The following PCDHA7 variants were observed in gnomAD, a reference collection of about 807,000 sequenced individuals.
PCDHA7 encodes protocadherin alpha 7, also known as protocadherin alpha-7.
PCDHA7 carries 37 observed loss-of-function variants against 57.2 expected under a neutral mutation model. That is an observed-to-expected ratio of 0.65 (90% CI 0.50 to 0.85). The LOEUF is 0.85. Ranked by LOEUF, PCDHA7 falls within the 40% of genes least tolerant of loss-of-function variation. The pLI, the probability that PCDHA7 is intolerant of heterozygous loss-of-function variation, is 0.00. For missense variants in PCDHA7, 1,188 were observed against 1,241.8 expected, an observed-to-expected ratio of 0.96 and a Z score of 0.65; for synonymous variants, 553 against 558.8, an observed-to-expected ratio of 0.99 and a Z score of 0.15.
At chr5:140,934,660 C>T (rs139449604) in intron 1 of PCDHA7, among the ~76,000 whole-genome samples, 2 of 152,152 alleles carry the variant, frequency 1.3e-5, no homozygotes, top group African/African-American at 2.4e-5. Flanking sequence ...TGATTCTTCC[C>T]CTTTGTTTAG....
chr5:140,841,888 T>G, intron 1 of PCDHA7: 1 of 1,613,782 alleles, frequency 6.2e-7, no homozygotes, highest in East Asian at 2.2e-5. Context: ...ACGATGAGAA[T>G]AAACTGGTTG....
chr5:140,845,092 C>T lies in PCDHA7; in HGVS notation c.2355+8354C>T, dbSNP rs145327720. Among the ~76,000 whole-genome samples, 352 of 149,676 alleles carry T rather than the reference C, an allele frequency of 2.4e-3. 12 individuals are homozygous for T. Among genetic ancestry groups the T allele is most frequent in the African/African-American group, 8.0e-3 (326 of 40,968 alleles). On this transcript the variant is annotated intron_variant, in intron 1 of 3. Transcript: ENST00000525929. Reference sequence around the variant, plus strand: ...CAGCATTGTTTTGTAGTTTATTTTACAGTTCTCTTAATGCCTGTCCATGTT... The same window carrying T: ...CAGCATTGTTTTGTAGTTTATTTTATAGTTCTCTTAATGCCTGTCCATGTT...
In PCDHA7 at chr5:140,848,922, G is replaced by A. The variant is rs2150424904; in HGVS notation, c.2355+12184G>A. Reference sequence around the variant, plus strand: ...AGCGACACAAAAGAATCTGTTCATCGCGGAATCCAGGCCGCTTGACTCTCG... The same window carrying A: ...AGCGACACAAAAGAATCTGTTCATCACGGAATCCAGGCCGCTTGACTCTCG... On this transcript the variant is annotated intron_variant, in intron 1 of 3. Transcript: ENST00000525929. The A allele has an allele frequency of 1.1e-5, 18 of 1,607,650 alleles. 1 individual carries two copies. The highest frequency in any genetic ancestry group is 2.7e-5 in the African/African-American group (2 of 73,700).
chr5:140,860,498 A>G (rs1440089357), intron 1 of PCDHA7: 3 of 152,224 alleles, frequency 2.0e-5, no homozygotes, highest in Non-Finnish European at 4.4e-5. Flanking sequence ...GGATGTCTAC[A>G]TACAAGATAA....
In PCDHA7 at chr5:140,904,790, G is replaced by T. The variant is rs139747501; in HGVS notation, c.2355+68052G>T. 2.6e-3 allele frequency among the ~76,000 whole-genome samples: 392 copies of T among 152,018 alleles called. 4 individuals carry two copies. In the East Asian group the frequency reaches 0.045, roughly 17 times the overall value. The stretch of plus-strand genomic sequence containing the variant: ...TGGTATCACATTATTGTTTTAATTT[G>T]CATTTTCCTGATAATTAGTGATGTT... On this transcript the variant is annotated intron_variant, in intron 1 of 3. Coordinates refer to ENST00000525929, the MANE Select transcript of PCDHA7 (RefSeq NM_018910.3).
At chr5:140,853,449 G>C (rs1331170631) in intron 1 of PCDHA7, 1 of 979,994 alleles carries the variant, frequency 1.0e-6, no homozygotes, top group East Asian at 1.1e-4. Flanking sequence ...TGCCTAATAG[G>C]TCTCCTTATA....
At chr5:140,959,883 C>T (rs535578218) in intron 1 of PCDHA7, among the ~76,000 whole-genome samples, 4 of 152,222 alleles carry the variant, frequency 2.6e-5, no homozygotes, top group South Asian at 2.1e-4. Flanking sequence ...AAGGAATACA[C>T]GAGTGGGATT....
rs1299003245 is a variant in PCDHA7, at chr5:140,846,734, T to A, written c.2355+9996T>A. Among the ~76,000 whole-genome samples, 2 of 149,288 alleles carry A rather than the reference T, an allele frequency of 1.3e-5. 1 individual carries two copies. The highest frequency in any genetic ancestry group is 3.0e-5 in the Non-Finnish European group (2 of 66,808). On this transcript the variant is annotated intron_variant, in intron 1 of 3. Transcript: ENST00000525929. ...TAACCAGTCTTCATTAAACATTAAA[T>A]AGGACCCTTACAGATCTCTAACAGC...
At chr5:140,940,705 C>T (rs2092669255) in intron 1 of PCDHA7, among the ~76,000 whole-genome samples, 1 of 152,170 alleles carries the variant, frequency 6.6e-6, no homozygotes, top group Non-Finnish European at 1.5e-5. Context: ...AAGTGTATAC[C>T]TGCTGTGTGC....
In PCDHA7 at chr5:140,993,460, TCTCACACA is replaced by T. The variant is rs782648313; in HGVS notation, c.2503+10899_2503+10906del. Among the ~76,000 whole-genome samples, 169 of 104,562 alleles carry T rather than the reference TCTCACACA, an allele frequency of 1.6e-3. 1 individual carries two copies. Among genetic ancestry groups the T allele is most frequent in the East Asian group, 0.012 (43 of 3,448 alleles). 68.6% of individuals were successfully genotyped at this position (104,562 alleles called of 152,430 possible). On this transcript the variant is annotated intron_variant, in intron 3 of 3. Coordinates refer to ENST00000525929, the MANE Select transcript of PCDHA7 (RefSeq NM_018910.3). ...TTCATTCCTGTTCTCCTTCTTTCTT[TCTCACACA>T]CACACACACACACACACACACACAC...
At chr5:140,860,192 C>CATATATATATATATATATATATATAT (rs143984774) in intron 1 of PCDHA7, 76 of 146,806 alleles carry the variant, frequency 5.2e-4, no homozygotes, top group Middle Eastern at 3.6e-3. Flanking sequence ...GCTCTCCTTA[C>CATATATATATATATATATATATATAT]ATATATATCT....
chr5:140,868,272 A>C (rs1050467999), intron 1 of PCDHA7: 1 of 152,090 alleles, frequency 6.6e-6, no homozygotes, highest in Non-Finnish European at 1.5e-5. Context: ...CTTTTTTAAA[A>C]CTACCAAGTT....
intron 3 of PCDHA7, among the ~76,000 whole-genome samples, chr5:140,989,525 GAGGA>G (rs2097345403): frequency 6.6e-6 from 1 of 152,218 alleles, no homozygotes; most frequent in African/African-American, 2.4e-5. Flanking sequence ...GAGGGCAGAG[GAGGA>G]AGATAGTTTG....
At position 140,885,065 on chromosome 5, in the gene PCDHA7, T is replaced by TA. The variant is rs1440762512; in HGVS notation, c.2355+48328dup. ...TTAATGTATACATATACCCACAAGATATTATTTTAAAGAGCCCCATAACTT... is the reference window on the plus strand; with the variant it reads ...TTAATGTATACATATACCCACAAGATAATTATTTTAAAGAGCCCCATAACTT... On this transcript the variant is annotated intron_variant, in intron 1 of 3. Coordinates refer to ENST00000525929, the MANE Select transcript of PCDHA7 (RefSeq NM_018910.3). Among the ~76,000 whole-genome samples the TA allele has an allele frequency of 7.2e-5, 11 of 152,294 alleles. 1 individual carries two copies. Among genetic ancestry groups the TA allele is most frequent in the African/African-American group, 2.6e-4 (11 of 41,580 alleles).
intron 1 of PCDHA7, chr5:140,876,435 C>T: frequency 6.2e-7 from 1 of 1,613,970 alleles, no homozygotes; most frequent in South Asian, 1.1e-5. Context: ...TTCAGGTTAA[C>T]GCCATTGATA....
chr5:140,941,191 T>TTTTTCTTTCTTTC lies in PCDHA7; in HGVS notation c.2356-37755_2356-37754insTCTTTCTTTCTTT, dbSNP rs1554213809. On this transcript the variant is annotated intron_variant, in intron 1 of 3. Transcript: ENST00000525929. ...CATCTTGAACATCCTGCTTCTTTTT[T>TTTTTCTTTCTTTC]TTTCTTTCTTCCTTTCTTTCTTCCT... Among the ~76,000 whole-genome samples the TTTTTCTTTCTTTC allele has an allele frequency of 1.3e-4, 12 of 93,256 alleles. No individual in the cohort carries two copies. In the East Asian group the frequency reaches 2.9e-3, roughly 23 times the overall value. 61.2% of individuals were successfully genotyped at this position (93,256 alleles called of 152,430 possible). A position where few individuals can be genotyped will look rare whatever the true frequency, so the allele number is the denominator to read the frequency against.
chr5:140,844,367 A>C (rs1220676752), intron 1 of PCDHA7, among the ~76,000 whole-genome samples: 1 of 149,478 alleles, frequency 6.7e-6, no homozygotes, highest in Non-Finnish European at 1.5e-5. Context: ...GAGATTTGTA[A>C]TCCTTCTTTT....
intron 1 of PCDHA7, among the ~76,000 whole-genome samples, chr5:140,899,128 T>A (rs1217010779): frequency 3.9e-5 from 6 of 152,160 alleles, no homozygotes; most frequent in Non-Finnish European, 7.3e-5. Context: ...CAATCATGTC[T>A]TCTGCAAACA....
chr5:140,968,046 T>A (rs1554230254), intron 1 of PCDHA7: 2 of 1,614,072 alleles, frequency 1.2e-6, no homozygotes, highest in African/African-American at 1.3e-5. Context: ...AGCGGCCCAC[T>A]GGACCGAGAG....
Sources: allele counts gnomAD v4.1 joint callset (sites outside exome capture counted in the v4.1 genomes callset), GRCh38; gene constraint gnomAD v4.1.1; transcripts MANE v1.5; gene names NCBI Gene and HGNC (gene_info 2026-07-23, HGNC 2026-07-21).